Variants in ZC3HAV1 observed in about 807,000 individuals in gnomAD.
ZC3HAV1 encodes the protein zinc finger CCCH-type antiviral protein 1.
ZC3HAV1 carries 41 observed loss-of-function variants against 86.6 expected under a neutral mutation model. The ratio of observed to expected loss-of-function variants is 0.47; its 90% CI spans 0.37 to 0.61. ZC3HAV1 has a LOEUF of 0.61. ZC3HAV1 is among the 20% of genes least tolerant of loss of function. The probability of loss-of-function intolerance (pLI) is 0.00; values close to 1 mark genes in which losing one functional copy is unlikely to be tolerated. For missense variants in ZC3HAV1, 964 were observed against 1,141.1 expected, an observed-to-expected ratio of 0.84 and a Z score of 2.24; for synonymous variants, 421 against 432.1, an observed-to-expected ratio of 0.97 and a Z score of 0.32.
At chr7:139,051,161 G>A (rs1181641026) in intron 12 of ZC3HAV1, among the ~76,000 whole-genome samples, 14 of 151,400 alleles carry the variant, frequency 9.2e-5, no homozygotes, top group African/African-American at 2.4e-4. Context: ...GGGTTCAAGC[G>A]ATTATCCTGC....
At chr7:139,047,995 A>G in intron 12 of ZC3HAV1, 142 bp from the exon 13 acceptor site, 2 of 837,124 alleles carry the variant, frequency 2.4e-6, no homozygotes, top group East Asian at 2.7e-5. Flanking sequence ...TTTCCTTTGC[A>G]CTTAAAAACA....
rs906298178 is a variant in ZC3HAV1 at position 139,080,052 on chromosome 7, A to C, written c.889T>G (p.Phe297Val). The change falls in exon 4 of 13, where the codon TTC becomes GTC. Residue 297 changes from phenylalanine (F) to valine (V), a missense_variant. Phe to Val is a conservative substitution (Grantham distance 50). Transcript: ENST00000242351. ...CGATCCTGACTCCCCAGATACGTGAACTTGCGGGTGAGATCGTCCACAGGC... is the reference window on the plus strand; with the variant it reads ...CGATCCTGACTCCCCAGATACGTGACCTTGCGGGTGAGATCGTCCACAGGC... ...DAPVDDLTRKFTYLGSQDRAR... is the reference protein window; with the variant it reads ...DAPVDDLTRKVTYLGSQDRAR... 1 of 1,613,992 alleles carries C rather than the reference A, an allele frequency of 6.2e-7. No individual in the cohort carries two copies. Among genetic ancestry groups the C allele is most frequent in the Non-Finnish European group, 8.5e-7 (1 of 1,180,012 alleles).
chr7:139,109,503 C>T lies in ZC3HAV1; in HGVS notation c.-172G>A. The T allele has an allele frequency of 1.2e-6, 1 of 818,550 alleles. No individual in the cohort carries two copies. The highest frequency in any genetic ancestry group is 1.8e-6 in the Non-Finnish European group (1 of 543,886). The allele number at this position is 818,550 out of a possible 1,614,324, so 50.7% of individuals were successfully genotyped here. ...CGTTAGCCCAGCCCAGCGATCCACT[C>T]TCGGCTCTCAGGTCAAGAGGCTAGA... On this transcript the variant is annotated 5_prime_UTR_variant, in exon 1 of 13. Coordinates refer to ENST00000242351, the MANE Select transcript of ZC3HAV1 (RefSeq NM_020119.4).
chr7:139,072,395 G>A (rs543145250), intron 7 of ZC3HAV1, among the ~76,000 whole-genome samples: 75 of 151,886 alleles, frequency 4.9e-4, no homozygotes, highest in African/African-American at 1.7e-3. Context: ...CATGTTGGCC[G>A]GGCTGGTCTC....
At chr7:139,093,806 G>C (rs1177450639) in intron 1 of ZC3HAV1, among the ~76,000 whole-genome samples, 1 of 152,116 alleles carries the variant, frequency 6.6e-6, no homozygotes, top group African/African-American at 2.4e-5. Flanking sequence ...CTCTTCACAC[G>C]GACGCGAGTG....
intron 5 of ZC3HAV1, among the ~76,000 whole-genome samples, chr7:139,077,904 T>G (rs890964459): frequency 6.6e-6 from 1 of 152,178 alleles, no homozygotes; most frequent in African/African-American, 2.4e-5. Context: ...CAACCACTCA[T>G]TATAGTCCAC....
At position 139,057,531 on chromosome 7, in the gene ZC3HAV1, CA is replaced by C. The variant is rs201614509; in HGVS notation, c.2097-2237del. Among the ~76,000 whole-genome samples the C allele has an allele frequency of 1.7e-4, 13 of 78,572 alleles. 2 individuals are homozygous for C. The highest frequency in any genetic ancestry group is 3.8e-4 in the South Asian group (1 of 2,620). 51.5% of individuals were successfully genotyped at this position (78,572 alleles called of 152,430 possible). A position where few individuals can be genotyped will look rare whatever the true frequency, so the allele number is the denominator to read the frequency against. ...AAATTTTCCATGATCAAAACAATTA[CA>C]TTTTTTTTTTTTTTTTTTTTTTTTG... is the stretch of plus-strand genomic sequence containing the variant. On this transcript the variant is annotated intron_variant, in intron 9 of 12. Transcript: ENST00000242351.
At chr7:139,058,565 A>G (rs1342923956) in intron 9 of ZC3HAV1, among the ~76,000 whole-genome samples, 2 of 152,130 alleles carry the variant, frequency 1.3e-5, no homozygotes, top group Non-Finnish European at 2.9e-5. Flanking sequence ...ACATTTACAT[A>G]AGTAACTGTA....
intron 1 of ZC3HAV1, among the ~76,000 whole-genome samples, chr7:139,093,433 G>A (rs1354794620): frequency 1.3e-5 from 2 of 152,196 alleles, no homozygotes; most frequent in Non-Finnish European, 2.9e-5. Flanking sequence ...AGGCCTCTGA[G>A]CCCAAGCTAA....
rs958659222 is a variant in ZC3HAV1 at position 139,045,961 on chromosome 7, G to A, written c.*1633C>T. 5 of 123,430 alleles carry A rather than the reference G, an allele frequency of 4.1e-5. No individual in the cohort carries two copies. The highest frequency in any genetic ancestry group is 1.6e-4 in the African/African-American group (5 of 32,052). The allele number at this position is 123,430 out of a possible 1,614,324, so 7.6% of individuals were successfully genotyped here. The stretch of plus-strand genomic sequence containing the variant: ...GTGGAGCTGTTTAAGCCAAGGAGTT[G>A]TGGAGATCTCTGTGATGATCCAAAA... On this transcript the variant is annotated 3_prime_UTR_variant, in exon 13 of 13. Coordinates refer to ENST00000242351, the MANE Select transcript of ZC3HAV1 (RefSeq NM_020119.4).
At chr7:139,103,536 T>C (rs1817839810) in intron 1 of ZC3HAV1, among the ~76,000 whole-genome samples, 1 of 152,218 alleles carries the variant, frequency 6.6e-6, no homozygotes, top group Non-Finnish European at 1.5e-5. Flanking sequence ...GACATATAAG[T>C]ATAAATTGGC....
intron 1 of ZC3HAV1, among the ~76,000 whole-genome samples, chr7:139,101,792 A>G (rs2130737462): frequency 6.6e-6 from 1 of 152,004 alleles, no homozygotes; most frequent in African/African-American, 2.4e-5. Flanking sequence ...GCTTTGTTAA[A>G]CAGATGCTTG....
At chr7:139,097,429 T>TATATATATATATATATA (rs1491244234) in intron 1 of ZC3HAV1, among the ~76,000 whole-genome samples, 33 of 56,780 alleles carry the variant, frequency 5.8e-4, no homozygotes, top group African/African-American at 1.6e-3. Context: ...TATATATATA[T>TATATATATATATATATA]TTTTTTTTTT....
chr7:139,064,853 C>T (rs746782110), intron 8 of ZC3HAV1, 26 bp downstream of exon 8: 3 of 1,613,970 alleles, frequency 1.9e-6, no homozygotes, highest in Admixed American at 1.7e-5. Context: ...CAATGACACA[C>T]AACACTGCCA....
At chr7:139,101,286 G>C (rs1003053815) in intron 1 of ZC3HAV1, among the ~76,000 whole-genome samples, 1 of 150,274 alleles carries the variant, frequency 6.7e-6, no homozygotes, top group East Asian at 2.0e-4. Context: ...AGTGAGGAGC[G>C]TCTCTGCCTG....
chr7:139,079,434 A>C, intron 4 of ZC3HAV1, 36 bp downstream of exon 4: 1 of 1,614,034 alleles, frequency 6.2e-7, no homozygotes, highest in Non-Finnish European at 8.5e-7. Context: ...TCATGAACAA[A>C]TGTACTAGCC....
intron 8 of ZC3HAV1, 133 bp downstream of exon 8, chr7:139,064,746 G>T: frequency 7.0e-7 from 1 of 1,429,826 alleles, no homozygotes; most frequent in Non-Finnish European, 9.5e-7. Context: ...CCACTAGCTT[G>T]CACTCCACCG....
chr7:139,083,558 G>C (rs896965318), intron 3 of ZC3HAV1, among the ~76,000 whole-genome samples: 1 of 151,916 alleles, frequency 6.6e-6, no homozygotes, highest in Non-Finnish European at 1.5e-5. Context: ...GCGAAACCCC[G>C]TCTCTAATTT....
intron 12 of ZC3HAV1, among the ~76,000 whole-genome samples, chr7:139,051,550 G>C (rs976789548): frequency 6.6e-6 from 1 of 151,860 alleles, no homozygotes; most frequent in African/African-American, 2.4e-5. Context: ...GGGACTACAG[G>C]CATGTGCCAT....
Sources: allele counts gnomAD v4.1 joint callset (sites outside exome capture counted in the v4.1 genomes callset), GRCh38; gene constraint gnomAD v4.1.1; transcripts MANE v1.5; gene names NCBI Gene and HGNC (gene_info 2026-07-23, HGNC 2026-07-21).